Variants in ZMYM2 observed in about 807,000 individuals in gnomAD.
The protein encoded by ZMYM2 is zinc finger MYM-type protein 2.
In ZMYM2, 56 loss-of-function variants were observed where a neutral mutation model predicts 162.8. The ratio of observed to expected loss-of-function variants is 0.34; its 90% CI spans 0.28 to 0.43. The LOEUF (loss-of-function observed/expected upper bound fraction) is 0.43. ZMYM2 is among the 20% of genes least tolerant of loss of function. The pLI, the probability that ZMYM2 is intolerant of heterozygous loss-of-function variation, is 1.00. For missense variants in ZMYM2, 1,275 were observed against 1,621.8 expected, an observed-to-expected ratio of 0.79 and a Z score of 3.67; for synonymous variants, 510 against 541.6, an observed-to-expected ratio of 0.94 and a Z score of 0.81.
intron 11 of ZMYM2, 21 bp from the exon 12 acceptor site, chr13:20,036,716 T>A (rs1449734031): frequency 6.7e-7 from 1 of 1,484,376 alleles, no homozygotes. Flanking sequence ...TGTTTTAATA[T>A]ATAAATCTTA....
the ZMYM2 span, among the ~76,000 whole-genome samples, chr13:19,918,647 T>C: frequency 2.6e-4 from 40 of 151,118 alleles, no homozygotes; most frequent in Non-Finnish European, 5.2e-4. Context: ...TACAGGCGCC[T>C]GCCACCACGC....
At chr13:19,953,682 CAAAAA>C (rs35266783), upstream of ZMYM2, among the ~76,000 whole-genome samples, 3 of 75,314 alleles carry the variant, frequency 4.0e-5, no homozygotes, top group East Asian at 1.4e-3. Flanking sequence ...GACTCTGTCT[CAAAAA>C]AAAAAAAAAA....
At chr13:19,956,988 T>C (rs1418310924), upstream of ZMYM2, among the ~76,000 whole-genome samples, 2 of 152,222 alleles carry the variant, frequency 1.3e-5, no homozygotes, top group African/African-American at 4.8e-5. Context: ...GAGGCTATTT[T>C]AGTGTATTTA....
At chr13:19,949,058 T>A in the ZMYM2 span, among the ~76,000 whole-genome samples, 1 of 151,448 alleles carries the variant, frequency 6.6e-6, no homozygotes, top group Non-Finnish European at 1.5e-5. Flanking sequence ...TTGCTTGAGC[T>A]GAGTTCAAGA....
chr13:19,966,645 T>C (rs1014102091), intron 2 of ZMYM2, among the ~76,000 whole-genome samples: 1 of 151,976 alleles, frequency 6.6e-6, no homozygotes, highest in Non-Finnish European at 1.5e-5. Context: ...TTCTCCATGT[T>C]GGTCAGCCTG....
chr13:19,885,950 T>TAC, the ZMYM2 span, among the ~76,000 whole-genome samples: 4 of 79,658 alleles, frequency 5.0e-5, 2 homozygotes, highest in Non-Finnish European at 1.1e-4. Flanking sequence ...TATATGTATA[T>TAC]ACACATATAT....
intron 2 of ZMYM2, among the ~76,000 whole-genome samples, chr13:19,973,221 G>A (rs1228178441): frequency 6.6e-6 from 1 of 151,954 alleles, no homozygotes; most frequent in Non-Finnish European, 1.5e-5. Flanking sequence ...ACAGGCATTA[G>A]CCACTGCGCC....
Position 20,076,111 on chromosome 13 carries a change from A to G in ZMYM2, c.3454-5905A>G, listed in dbSNP as rs564497392. The stretch of plus-strand genomic sequence containing the variant: ...TCAGCTAGGAACACTAGACCATATT[A>G]TATACTTCTACATCTTACTTTCTCT... On this transcript the variant is annotated intron_variant, in intron 21 of 24. Coordinates refer to ENST00000610343, the MANE Select transcript of ZMYM2 (RefSeq NM_197968.4). 5.3e-5 allele frequency among the ~76,000 whole-genome samples: 8 copies of G among 150,436 alleles called. 1 individual carries two copies. The South Asian group carries it at 1.7e-3, about 31-fold the overall frequency.
rs375973585 is a variant in ZMYM2 at position 20,068,865 on chromosome 13, A to G, written c.3453+1475A>G. 1.2e-3 allele frequency among the ~76,000 whole-genome samples: 179 copies of G among 152,224 alleles called. 1 individual carries two copies. The Middle Eastern group carries it at 0.017, about 14-fold the overall frequency. ...TTCTAGGCTCCTCTTGTTTTAATTC[A>G]TTCCTACTTTTGGGGGCTGTGTTTT... On this transcript the variant is annotated intron_variant, in intron 21 of 24. Transcript: ENST00000610343.
chr13:20,075,039 T>C (rs765617458), intron 21 of ZMYM2, among the ~76,000 whole-genome samples: 2 of 152,228 alleles, frequency 1.3e-5, no homozygotes, highest in Non-Finnish European at 2.9e-5. Flanking sequence ...GACTGTGGTA[T>C]TTATAAGCAG....
the ZMYM2 span, among the ~76,000 whole-genome samples, chr13:19,945,394 G>A: frequency 3.8e-4 from 58 of 152,134 alleles, no homozygotes; most frequent in Middle Eastern, 3.4e-3. Flanking sequence ...TGGAACTACA[G>A]GTGTGCATTA....
chr13:20,015,619 T>G (rs1162077596), intron 6 of ZMYM2, among the ~76,000 whole-genome samples: 3 of 152,202 alleles, frequency 2.0e-5, no homozygotes, highest in Non-Finnish European at 2.9e-5. Context: ...TATTTCTCCT[T>G]TTACGTCTGT....
At chr13:19,922,809 A>C in the ZMYM2 span, among the ~76,000 whole-genome samples, 1 of 152,112 alleles carries the variant, frequency 6.6e-6, no homozygotes, top group Admixed American at 6.6e-5. Context: ...CCACCACTGC[A>C]CTCCAGCCTG....
intron 2 of ZMYM2, among the ~76,000 whole-genome samples, chr13:19,988,409 T>C (rs1226728966): frequency 1.3e-5 from 2 of 152,214 alleles, no homozygotes; most frequent in African/African-American, 4.8e-5. Context: ...CTTTGGTTTC[T>C]GATCTTTCCT....
In ZMYM2 at chr13:20,086,054, A is replaced by C; in HGVS notation, c.*40A>C. ...GAAGCAATCGGGATAAAACAGCATT[A>C]GATAGTCATGCTGCTAGATCTTTAT... On this transcript the variant is annotated 3_prime_UTR_variant, in exon 25 of 25. Coordinates refer to ENST00000610343, the MANE Select transcript of ZMYM2 (RefSeq NM_197968.4). 2 of 1,583,988 alleles carry C rather than the reference A, an allele frequency of 1.3e-6. No homozygotes were observed. The highest frequency in any genetic ancestry group is 2.2e-5 in the South Asian group (2 of 88,990).
chr13:20,002,718 C>T, intron 3 of ZMYM2, 132 bp from the exon 4 acceptor site: 3 of 1,138,586 alleles, frequency 2.6e-6, no homozygotes, highest in Non-Finnish European at 3.7e-6. Context: ...ATATACCTCT[C>T]TGCTATGTTG....
chr13:20,021,806 A>G (rs533764490), intron 7 of ZMYM2, among the ~76,000 whole-genome samples: 14 of 152,260 alleles, frequency 9.2e-5, no homozygotes, highest in African/African-American at 2.6e-4. Flanking sequence ...TTTCAGCCAA[A>G]ATATGTCTGT....
At chr13:19,930,874 T>C in the ZMYM2 span, among the ~76,000 whole-genome samples, 1 of 149,896 alleles carries the variant, frequency 6.7e-6, no homozygotes, top group African/African-American at 2.4e-5. Flanking sequence ...GCGCGGTGGC[T>C]CATGCCTGTA....
intron 7 of ZMYM2, among the ~76,000 whole-genome samples, chr13:20,023,943 T>C (rs1223223002): frequency 3.3e-5 from 5 of 150,798 alleles, no homozygotes; most frequent in East Asian, 1.9e-4. Flanking sequence ...TCTTCTTCTT[T>C]TTTTTTTTTT....
Sources: allele counts gnomAD v4.1 joint callset (sites outside exome capture counted in the v4.1 genomes callset), GRCh38; gene constraint gnomAD v4.1.1; transcripts MANE v1.5; gene names NCBI Gene and HGNC (gene_info 2026-07-23, HGNC 2026-07-21).